FAM168A: variants seen among roughly 807,000 people sequenced by gnomAD.
The protein encoded by FAM168A is family with sequence similarity 168 member A.
A neutral mutation model predicts 28.5 loss-of-function variants in FAM168A; 3 were observed. That is an observed-to-expected ratio of 0.11 (90% CI 0.05 to 0.27). FAM168A has a LOEUF of 0.27. Ranked by LOEUF, FAM168A falls within the 10% of genes least tolerant of loss-of-function variation. FAM168A has a pLI of 1.00. For synonymous variants in FAM168A, 122 were observed against 124.2 expected (o/e 0.98, Z 0.12); for missense variants, 222 against 311.5 (o/e 0.71, Z 2.16).
intron 1 of FAM168A, among the ~76,000 whole-genome samples, chr11:73,534,803 A>C (rs1411853864): frequency 6.6e-6 from 1 of 152,248 alleles, no homozygotes; most frequent in Non-Finnish European, 1.5e-5. Context: ...TGCCTCCCCT[A>C]GTATAGAAGA....
intron 1 of FAM168A, among the ~76,000 whole-genome samples, chr11:73,546,971 G>C (rs1431050848): frequency 1.3e-5 from 2 of 151,284 alleles, no homozygotes; most frequent in Non-Finnish European, 2.9e-5. Context: ...CAAAGAACTT[G>C]AATAGACATT....
At chr11:73,425,098 GT>G in intron 3 of FAM168A, 1 of 1,402,098 alleles carries the variant, frequency 7.1e-7, no homozygotes. Flanking sequence ...TTTGTGCAAA[GT>G]TGTATACATT....
chr11:73,503,972 C>T (rs985698880), intron 1 of FAM168A, among the ~76,000 whole-genome samples: 1 of 152,140 alleles, frequency 6.6e-6, no homozygotes, highest in Admixed American at 6.5e-5. Context: ...TGAAACTGGA[C>T]CTCTTCCTTA....
intron 1 of FAM168A, among the ~76,000 whole-genome samples, chr11:73,471,409 T>A (rs927759876): frequency 6.6e-6 from 1 of 152,214 alleles, no homozygotes; most frequent in East Asian, 1.9e-4. Context: ...TTCCATATAG[T>A]AAAATTTTAC....
chr11:73,411,566 G>A, intron 4 of FAM168A, 30 bp from the exon 5 acceptor site: 1 of 1,613,586 alleles, frequency 6.2e-7, no homozygotes, highest in Non-Finnish European at 8.5e-7. Flanking sequence ...GAGACTTCCA[G>A]TTAGTTGGCA....
At chr11:73,591,779 G>A (rs1944385125) in intron 1 of FAM168A, among the ~76,000 whole-genome samples, 2 of 152,016 alleles carry the variant, frequency 1.3e-5, no homozygotes, top group African/African-American at 2.4e-5. Flanking sequence ...CAAAATCCTG[G>A]GATTACAGGT....
intron 1 of FAM168A, among the ~76,000 whole-genome samples, chr11:73,471,227 C>T (rs1159768522): frequency 6.6e-6 from 1 of 152,146 alleles, no homozygotes; most frequent in African/African-American, 2.4e-5. Context: ...ATAAACTCTA[C>T]AATCAGGCAG....
At chr11:73,509,953 CT>C (rs1291722609) in intron 1 of FAM168A, among the ~76,000 whole-genome samples, 1 of 152,178 alleles carries the variant, frequency 6.6e-6, no homozygotes, top group Non-Finnish European at 1.5e-5. Flanking sequence ...TCCAGCATTT[CT>C]CACTGCTTTC....
intron 1 of FAM168A, among the ~76,000 whole-genome samples, chr11:73,561,597 A>C (rs1207798199): frequency 1.3e-5 from 2 of 152,180 alleles, no homozygotes; most frequent in African/African-American, 4.8e-5. Context: ...AACGTGGTAA[A>C]TGCTACTCTG....
chr11:73,593,061 C>T (rs572695005), intron 1 of FAM168A, among the ~76,000 whole-genome samples: 1 of 152,156 alleles, frequency 6.6e-6, no homozygotes, highest in South Asian at 2.1e-4. Flanking sequence ...TCCTATAATT[C>T]TATTTATAAA....
chr11:73,501,629 CT>C lies in FAM168A; in HGVS notation c.-18-33138del, dbSNP rs1855011754. On this transcript the variant is annotated intron_variant, in intron 1 of 7. Coordinates refer to ENST00000356467, the MANE Select transcript of FAM168A (RefSeq NM_015159.3). ...GAAATTAAGGCAGAATCAAGAAGTT[CT>C]TTGAAACCAATGAGAACAAAGAGAC... 5.3e-5 allele frequency among the ~76,000 whole-genome samples: 8 copies of C among 152,268 alleles called. No homozygotes were observed. The South Asian group carries it at 1.7e-3, about 32-fold the overall frequency.
At chr11:73,496,618 T>G (rs977882333) in intron 1 of FAM168A, among the ~76,000 whole-genome samples, 20 of 152,246 alleles carry the variant, frequency 1.3e-4, no homozygotes, top group Non-Finnish European at 2.9e-5. Context: ...TGGAGTGCAG[T>G]GGCGCGATCT....
At chr11:73,495,316 G>T (rs967793887) in intron 1 of FAM168A, among the ~76,000 whole-genome samples, 1 of 152,162 alleles carries the variant, frequency 6.6e-6, no homozygotes, top group Non-Finnish European at 1.5e-5. Flanking sequence ...GCGACAGAGC[G>T]AGACTCCGTC....
intron 1 of FAM168A, among the ~76,000 whole-genome samples, chr11:73,545,817 G>T (rs1943743296): frequency 6.7e-6 from 1 of 150,016 alleles, no homozygotes. Context: ...CCAAAGTGTT[G>T]GGATTACAGG....
Position 73,401,477 on chromosome 11 carries a change from CTT to C in FAM168A, c.*5284_*5285del, listed in dbSNP as rs938030144. The stretch of plus-strand genomic sequence containing the variant: ...CAGTCTCCTCTCTTTCCCTGACTCT[CTT>C]AGGCCTGAGGAGAAAGGCTGGGGTC... On this transcript the variant is annotated 3_prime_UTR_variant, in exon 8 of 8. Transcript: ENST00000356467. 1 of 152,324 alleles carries C rather than the reference CTT, an allele frequency of 6.6e-6. No individual in the cohort carries two copies. The highest frequency in any genetic ancestry group is 2.4e-5 in the African/African-American group (1 of 41,458). 9.4% of individuals were successfully genotyped at this position (152,324 alleles called of 1,614,324 possible).
chr11:73,457,750 AGAAAAG>A (rs1867566826), intron 2 of FAM168A, among the ~76,000 whole-genome samples: 1 of 131,568 alleles, frequency 7.6e-6, no homozygotes. Context: ...AAAAAAAAAA[AGAAAAG>A]AAAAGAAAGA....
At chr11:73,410,751 C>T (rs1036145644) in intron 5 of FAM168A, 14 of 152,188 alleles carry the variant, frequency 9.2e-5, no homozygotes, top group African/African-American at 2.9e-4. Flanking sequence ...AAGTATTCTC[C>T]TCACCACTTA....
intron 4 of FAM168A, among the ~76,000 whole-genome samples, chr11:73,418,901 C>T (rs576634404): frequency 5.9e-5 from 9 of 151,992 alleles, no homozygotes; most frequent in South Asian, 2.1e-4. Context: ...CTCCGCCTCC[C>T]GGGTTCATGC....
intron 1 of FAM168A, among the ~76,000 whole-genome samples, chr11:73,589,479 C>T (rs1368983254): frequency 2.2e-5 from 3 of 138,084 alleles, no homozygotes; most frequent in Non-Finnish European, 4.6e-5. Flanking sequence ...CCAACACTAA[C>T]GATAGCTGAT....
Sources: gnomAD v4.1 joint callset for allele counts (sites outside exome capture counted in the v4.1 genomes callset) on GRCh38, gnomAD v4.1.1 for gene constraint, MANE v1.5 for transcripts, NCBI Gene and HGNC (gene_info 2026-07-23, HGNC 2026-07-21) for gene names.